The following CAMSAP1 variants were observed in gnomAD, a reference collection of about 807,000 sequenced individuals.
CAMSAP1 encodes calmodulin regulated spectrin associated protein 1.
In CAMSAP1, 58 loss-of-function variants were observed where a neutral mutation model predicts 143.5. The ratio of observed to expected loss-of-function variants is 0.40; its 90% CI spans 0.33 to 0.50. The LOEUF (loss-of-function observed/expected upper bound fraction) is 0.50, where lower values mean the gene tolerates loss of function less well. Among genes scored for constraint, CAMSAP1 ranks in the 20% least tolerant of loss-of-function variants. The pLI is 0.45. For synonymous variants in CAMSAP1, 945 were observed against 859.3 expected (o/e 1.10, Z -1.74); for missense variants, 1,969 against 2,115.7 (o/e 0.93, Z 1.36).
At chr9:135,853,567 CTT>C (rs1030575413) in intron 5 of CAMSAP1, among the ~76,000 whole-genome samples, 38 of 152,354 alleles carry the variant, frequency 2.5e-4, no homozygotes, top group African/African-American at 8.9e-4. Context: ...TCTAAGTACA[CTT>C]GTTTCAGTCT....
chr9:135,893,858 T>A (rs533182306), intron 1 of CAMSAP1, among the ~76,000 whole-genome samples: 1 of 152,184 alleles, frequency 6.6e-6, no homozygotes, highest in Admixed American at 6.5e-5. Flanking sequence ...CTCTCCCTGT[T>A]CCTCTCCTCT....
intron 4 of CAMSAP1, 173 bp downstream of exon 4, chr9:135,866,283 T>G: frequency 7.1e-6 from 4 of 561,316 alleles, no homozygotes; most frequent in Non-Finnish European, 3.2e-6. Context: ...GCTGCCGTGG[T>G]CACATCTCAC....
chr9:135,862,392 T>A, intron 5 of CAMSAP1, 75 bp downstream of exon 5: 1 of 1,383,560 alleles, frequency 7.2e-7, no homozygotes, highest in Non-Finnish European at 9.8e-7. Flanking sequence ...TTTTAATATA[T>A]ATGTGGATCA....
chr9:135,822,330 C>T lies in CAMSAP1; in HGVS notation c.2331G>A (p.Met777Ile). ...EEESAKLQED[M>I]KVKEHEDKDD... ...CTTTGTCTTCATGTTCCTTCACCTT[C>T]ATGTCCTCCTGCAGTTTGGCCGACT... is the stretch of plus-strand genomic sequence containing the variant. Residue 777 changes from methionine to isoleucine, a missense_variant, in exon 11 of 17, where the codon ATG becomes ATA. Physicochemically the swap from Met to Ile is conservative, Grantham distance 10. Around this residue, in one of 4 missense-constraint regions of CAMSAP1, gnomAD observed 1,390 missense variants for 1,420.8 expected, o/e 0.98. Transcript: ENST00000389532. This position sits in a 1 kb window ranked among gnomAD's most constrained non-coding sequence, Gnocchi z 6.1. 6.2e-7 allele frequency: 1 copy of T among 1,614,046 alleles called. No individual in the cohort carries two copies. The highest frequency in any genetic ancestry group is 8.5e-7 in the Non-Finnish European group (1 of 1,179,908).
chr9:135,845,176 G>A (rs1366382681), intron 7 of CAMSAP1, among the ~76,000 whole-genome samples: 1 of 152,182 alleles, frequency 6.6e-6, no homozygotes, highest in Admixed American at 6.5e-5. Context: ...CCACGATCAA[G>A]TTGGCTTCAT....
At position 135,821,019 on chromosome 9, in the gene CAMSAP1, A is replaced by T. The variant is rs750598836; in HGVS notation, c.3642T>A (p.Asp1214Glu). 1 of 1,613,628 alleles carries T rather than the reference A, an allele frequency of 6.2e-7. No homozygotes were observed. The highest frequency in any genetic ancestry group is 8.5e-7 in the Non-Finnish European group (1 of 1,179,618). ...CGGGGACGCTCTCTTTTCCCGAGAC[A>T]TCTGAGGAGCTGGACCCCACCTCCT... ...SVKEVGSSSS[D>E]VSGKESVPVE... Residue 1214 changes from aspartate (D) to glutamate (E), a missense_variant, in exon 11 of 17, where the codon GAT becomes GAA. Asp to Glu is a conservative substitution (Grantham distance 45, BLOSUM62 2). Coordinates refer to ENST00000389532, the MANE Select transcript of CAMSAP1 (RefSeq NM_015447.4). This position sits in a 1 kb window ranked among gnomAD's most constrained non-coding sequence, Gnocchi z 4.6.
chr9:135,842,037 A>G (rs186821191), intron 7 of CAMSAP1, among the ~76,000 whole-genome samples: 10 of 152,330 alleles, frequency 6.6e-5, no homozygotes, highest in South Asian at 2.1e-4. Context: ...AAGGTGGGGA[A>G]TAACAAATTC....
At chr9:135,827,698 G>A in intron 7 of CAMSAP1, 114 bp from the exon 8 acceptor site, 1 of 1,033,312 alleles carries the variant, frequency 9.7e-7, no homozygotes, top group Middle Eastern at 3.2e-4. Flanking sequence ...CCAAACTTCT[G>A]CCAAAAAAAA....
intron 5 of CAMSAP1, among the ~76,000 whole-genome samples, chr9:135,855,674 G>A (rs1340151091): frequency 6.6e-6 from 1 of 151,324 alleles, no homozygotes; most frequent in Non-Finnish European, 1.5e-5. Context: ...CCAGGTGGTG[G>A]CAGAGGCTGC....
intron 1 of CAMSAP1, among the ~76,000 whole-genome samples, chr9:135,891,896 A>G (rs1046414882): frequency 1.3e-5 from 2 of 152,244 alleles, no homozygotes; most frequent in African/African-American, 2.4e-5. Flanking sequence ...GTACAATGGC[A>G]ACATAAAATT....
At chr9:135,879,044 T>G (rs1206486525) in intron 3 of CAMSAP1, among the ~76,000 whole-genome samples, 1 of 152,192 alleles carries the variant, frequency 6.6e-6, no homozygotes, top group Non-Finnish European at 1.5e-5. Flanking sequence ...ACATCAAGTC[T>G]GACTGTGAAC....
chr9:135,828,285 G>A lies in CAMSAP1; in HGVS notation c.1046-701C>T, dbSNP rs113573333. On this transcript the variant is annotated intron_variant, in intron 7 of 16. Transcript: ENST00000389532. Reference sequence around the variant, plus strand: ...GAGCAGCTCAAGAAGGCAAGAGGTGGGGCCATATGGTGGGGACCAGTGGGA... The same window carrying A: ...GAGCAGCTCAAGAAGGCAAGAGGTGAGGCCATATGGTGGGGACCAGTGGGA... Among the ~76,000 whole-genome samples, 520 of 152,350 alleles carry A rather than the reference G, an allele frequency of 3.4e-3. 3 individuals are homozygous for A. Among genetic ancestry groups the A allele is most frequent in the Middle Eastern group, 0.014 (4 of 294 alleles).
At position 135,823,316 on chromosome 9, in the gene CAMSAP1, A is replaced by G. The variant is rs3824355; in HGVS notation, c.1401-56T>C. 5,052 of 1,504,670 alleles carry G rather than the reference A, an allele frequency of 3.4e-3. 175 individuals carry two copies. In the African/African-American group the frequency reaches 0.064, roughly 19 times the overall value. 93.2% of individuals were successfully genotyped at this position (1,504,670 alleles called of 1,614,324 possible). A position where few individuals can be genotyped will look rare whatever the true frequency, so the allele number is the denominator to read the frequency against. ...CTGCGGTATACACCAAAGACCCCCA[A>G]CATGGACCAGGGGGTGAGAATGCCG... On this transcript the variant is annotated intron_variant, in intron 10 of 16. Transcript: ENST00000389532.
chr9:135,865,462 C>A (rs762318932), intron 4 of CAMSAP1: 19 of 1,232,798 alleles, frequency 1.5e-5, no homozygotes, highest in African/African-American at 4.5e-5. Flanking sequence ...GGCGTTTACA[C>A]GGCAGAGGCG....
In CAMSAP1 at chr9:135,809,085, C is replaced by CTGCAAAATCATGACT. The variant is rs1035964240; in HGVS notation, c.*2209_*2223dup. ...CAGAGTTATAAGTCAGTGTTATCAA[C>CTGCAAAATCATGACT]TGCAAAATCATGACTTTACCACCAC... On this transcript the variant is annotated 3_prime_UTR_variant, in exon 17 of 17. Coordinates refer to ENST00000389532, the MANE Select transcript of CAMSAP1 (RefSeq NM_015447.4). The CTGCAAAATCATGACT allele has an allele frequency of 2.6e-5, 4 of 152,178 alleles. No individual in the cohort carries two copies. Among genetic ancestry groups the CTGCAAAATCATGACT allele is most frequent in the African/African-American group, 9.7e-5 (4 of 41,434 alleles). 9.4% of individuals were successfully genotyped at this position (152,178 alleles called of 1,614,324 possible). A position where few individuals can be genotyped will look rare whatever the true frequency, so the allele number is the denominator to read the frequency against.
intron 5 of CAMSAP1, among the ~76,000 whole-genome samples, chr9:135,850,706 C>T (rs550582822): frequency 2.0e-5 from 3 of 152,296 alleles, no homozygotes; most frequent in South Asian, 4.1e-4. Context: ...TAATAGAAAT[C>T]GCTCAGATCT....
At position 135,845,206 on chromosome 9, in the gene CAMSAP1, T is replaced by C. The variant is rs138137504; in HGVS notation, c.1045+4931A>G. Among the ~76,000 whole-genome samples, 154 of 152,244 alleles carry C rather than the reference T, an allele frequency of 1.0e-3. No homozygotes were observed. In the East Asian group the frequency reaches 0.014, roughly 14 times the overall value. ...CTTCATACCAGGGATGCAAGGCTGG[T>C]TCAACATATGCAAATCAATAAACGT... On this transcript the variant is annotated intron_variant, in intron 7 of 16. Transcript: ENST00000389532.
intron 3 of CAMSAP1, among the ~76,000 whole-genome samples, chr9:135,870,440 G>C (rs927069941): frequency 6.6e-6 from 1 of 152,038 alleles, no homozygotes. Flanking sequence ...ACCCAGTCTT[G>C]GACAGTTCTT....
chr9:135,826,565 TCAAA>T lies in CAMSAP1; in HGVS notation c.1223+838_1223+841del, dbSNP rs1302837630. ...ACATGGTCACCGGTTTTAGCTCCTCTCAAACAACCTGAAACAACTGAGTTCGTTC... is the reference window on the plus strand; with the variant it reads ...ACATGGTCACCGGTTTTAGCTCCTCTCAACCTGAAACAACTGAGTTCGTTC... On this transcript the variant is annotated intron_variant, in intron 8 of 16. Coordinates refer to ENST00000389532, the MANE Select transcript of CAMSAP1 (RefSeq NM_015447.4). This position sits in a 1 kb window ranked among gnomAD's most constrained non-coding sequence, Gnocchi z 4.4. 2.6e-5 allele frequency among the ~76,000 whole-genome samples: 4 copies of T among 152,268 alleles called. No individual in the cohort carries two copies. Among genetic ancestry groups the T allele is most frequent in the East Asian group, 3.9e-4 (2 of 5,192 alleles).
Sources: gnomAD v4.1 joint callset for allele counts (sites outside exome capture counted in the v4.1 genomes callset) on GRCh38, gnomAD v4.1.1 for gene constraint, gnomAD v4.1.1 regional missense constraint, Gnocchi (gnomAD v3.1) non-coding constraint, MANE v1.5 for transcripts, NCBI Gene and HGNC (gene_info 2026-07-23, HGNC 2026-07-21) for gene names.